Variants in ANKDD1A observed in about 807,000 individuals in gnomAD.
ANKDD1A encodes ankyrin repeat and death domain containing 1A, also known as ankyrin repeat and death domain-containing protein 1A.
A neutral mutation model predicts 63.5 loss-of-function variants in ANKDD1A; 59 were observed. The observed-to-expected ratio is 0.93, with a 90% CI of 0.75 to 1.15. The LOEUF (loss-of-function observed/expected upper bound fraction) is 1.15, where lower values mean the gene tolerates loss of function less well. Among genes scored for constraint, ANKDD1A ranks in the 50% most tolerant of loss-of-function variants. ANKDD1A has a pLI of 0.00. For synonymous variants in ANKDD1A, 266 were observed against 263.9 expected (o/e 1.01, Z -0.08); for missense variants, 632 against 656.4 (o/e 0.96, Z 0.41).
At chr15:64,937,895 G>C (rs905594446) in intron 9 of ANKDD1A, among the ~76,000 whole-genome samples, 1 of 152,066 alleles carries the variant, frequency 6.6e-6, no homozygotes, top group Non-Finnish European at 1.5e-5. Context: ...TAGGACTAGG[G>C]CAGGAAATAC....
intron 10 of ANKDD1A, chr15:64,943,168 T>G: frequency 6.6e-6 from 2 of 304,528 alleles, no homozygotes; most frequent in South Asian, 5.5e-5. Flanking sequence ...AATTTGAAAA[T>G]GGCCTAAATA....
chr15:64,931,526 C>T lies in ANKDD1A; in HGVS notation c.709C>T (p.His237Tyr). The T allele has an allele frequency of 6.2e-7, 1 of 1,614,082 alleles. No individual in the cohort carries two copies. The highest frequency in any genetic ancestry group is 8.5e-7 in the Non-Finnish European group (1 of 1,180,024). Residue 237 changes from histidine to tyrosine, a missense_variant, in exon 8 of 15, where the codon CAC becomes TAC. Transcript: ENST00000319580. ...TALHSAAGGS[H>Y]PDCVQLLLRA... is the part of the protein sequence containing the mutation. ...CCTGCATTCGGCTGCTGGAGGATCC[C>T]ACCCTGACTGTGTGCAGCTCCTCCT...
At chr15:64,923,064 A>AAT (rs1180087893) in intron 4 of ANKDD1A, among the ~76,000 whole-genome samples, 1 of 152,212 alleles carries the variant, frequency 6.6e-6, no homozygotes, top group Non-Finnish European at 1.5e-5. Flanking sequence ...ACTTAATTTC[A>AAT]ATATAATTGG....
Position 64,944,868 on chromosome 15 carries a change from A to T in ANKDD1A, c.1161+121A>T, listed in dbSNP as rs563933607. On this transcript the variant is annotated intron_variant, in intron 12 of 14. Coordinates refer to ENST00000319580, the MANE Select transcript of ANKDD1A (RefSeq NM_182703.6). ...GGGTCCCTCAGTCTCCAAGCAGGTGATAATCACCACCTTGTATGTTACCAC... is the reference window on the plus strand; with the variant it reads ...GGGTCCCTCAGTCTCCAAGCAGGTGTTAATCACCACCTTGTATGTTACCAC... 569 of 869,450 alleles carry T rather than the reference A, an allele frequency of 6.5e-4. 7 individuals carry two copies. The South Asian group carries it at 9.6e-3, about 15-fold the overall frequency. 53.9% of individuals were successfully genotyped at this position (869,450 alleles called of 1,614,324 possible).
intron 1 of ANKDD1A, among the ~76,000 whole-genome samples, chr15:64,913,221 A>G (rs2084945963): frequency 6.6e-6 from 1 of 152,036 alleles, no homozygotes; most frequent in Non-Finnish European, 1.5e-5. Context: ...CTCTTTCTTC[A>G]CCCTCCCCCA....
At chr15:64,946,767 G>A (rs2085226373) in intron 12 of ANKDD1A, among the ~76,000 whole-genome samples, 1 of 152,176 alleles carries the variant, frequency 6.6e-6, no homozygotes, top group South Asian at 2.1e-4. Flanking sequence ...GATTGCCAGA[G>A]ACTGTTGACC....
chr15:64,922,502 G>C (rs1184439919), intron 4 of ANKDD1A: 1 of 152,642 alleles, frequency 6.6e-6, no homozygotes, highest in African/African-American at 2.4e-5. Flanking sequence ...TGGCCCATAG[G>C]AAAATGCAAA....
chr15:64,931,091 G>A (rs1280747541), intron 7 of ANKDD1A, among the ~76,000 whole-genome samples, 171 bp downstream of exon 7: 6 of 152,216 alleles, frequency 3.9e-5, no homozygotes, highest in Non-Finnish European at 7.3e-5. Flanking sequence ...CAGGCTTAAT[G>A]GTAGTACTTG....
At chr15:64,946,268 A>G (rs796703376) in intron 12 of ANKDD1A, among the ~76,000 whole-genome samples, 5 of 152,282 alleles carry the variant, frequency 3.3e-5, no homozygotes, top group African/African-American at 1.2e-4. Flanking sequence ...AAACCTATAA[A>G]TAATCTCAAA....
At chr15:64,923,186 A>T (rs1410306666) in intron 4 of ANKDD1A, among the ~76,000 whole-genome samples, 1 of 152,018 alleles carries the variant, frequency 6.6e-6, no homozygotes, top group African/African-American at 2.4e-5. Flanking sequence ...GTTGGGTGTG[A>T]TGTGATATGT....
intron 14 of ANKDD1A, among the ~76,000 whole-genome samples, chr15:64,956,345 C>T (rs11637896): frequency 0.28 from 42,802 of 151,042 alleles, 7,595 homozygotes; most frequent in South Asian, 0.45. Flanking sequence ...GTCAGGAGAT[C>T]GAGACCATCC....
intron 6 of ANKDD1A, 87 bp from the exon 7 acceptor site, chr15:64,930,735 C>T: frequency 7.5e-7 from 1 of 1,339,366 alleles, no homozygotes; most frequent in Non-Finnish European, 1.0e-6. Flanking sequence ...TGGCACTGAC[C>T]CAGTGTGCAT....
At chr15:64,951,261 CTT>C (rs2085267256) in intron 14 of ANKDD1A, 1 of 914,898 alleles carries the variant, frequency 1.1e-6, no homozygotes, top group South Asian at 5.2e-5. Context: ...TCTTGGCACA[CTT>C]TGTTTATTTC....
Position 64,942,487 on chromosome 15 carries a change from C to T in ANKDD1A, c.888C>T (p.His296=). 5 of 1,613,462 alleles carry T rather than the reference C, an allele frequency of 3.1e-6. No homozygotes were observed. Among genetic ancestry groups the T allele is most frequent in the Middle Eastern group, 1.7e-4 (1 of 6,058 alleles). Reference sequence around the variant, plus strand: ...CACAGCAGGGTGCCTCTCCTCTGCACCTCGCTGTGAGGCACAACTTCCCTG... The same window carrying T: ...CACAGCAGGGTGCCTCTCCTCTGCATCTCGCTGTGAGGCACAACTTCCCTG... ...VVDHQGASPL[H]LAVRHNFPAL... The change falls in exon 10 of 15, where the codon CAC becomes CAT. Residue 296 remains histidine (H), a synonymous_variant. Coordinates refer to ENST00000319580, the MANE Select transcript of ANKDD1A (RefSeq NM_182703.6).
chr15:64,954,470 TTCC>T (rs201462042), intron 14 of ANKDD1A, among the ~76,000 whole-genome samples: 6,444 of 144,086 alleles, frequency 0.045, 512 homozygotes, highest in African/African-American at 0.16. Flanking sequence ...CTTCTCCTTC[TTCC>T]TCTTTTTCTT....
intron 1 of ANKDD1A, chr15:64,914,180 G>T (rs1468249006): frequency 6.6e-6 from 1 of 152,088 alleles, no homozygotes; most frequent in Non-Finnish European, 1.5e-5. Flanking sequence ...TAGAGACGGG[G>T]TTTCACCATG....
At chr15:64,942,706 A>G in intron 10 of ANKDD1A, 141 bp downstream of exon 10, 1 of 629,178 alleles carries the variant, frequency 1.6e-6, no homozygotes. Flanking sequence ...TTAGAAAGTA[A>G]TCTAAATAGT....
chr15:64,943,399 C>A, intron 10 of ANKDD1A, 85 bp from the exon 11 acceptor site: 1 of 1,098,504 alleles, frequency 9.1e-7, no homozygotes, highest in Admixed American at 1.8e-5. Flanking sequence ...AAGAAATATA[C>A]TAGGATCATT....
intron 3 of ANKDD1A, 35 bp downstream of exon 3, chr15:64,917,549 T>TG (rs1175226896): frequency 3.3e-6 from 5 of 1,522,690 alleles, no homozygotes; most frequent in Non-Finnish European, 3.5e-6. Context: ...CTCAGGGTGG[T>TG]GGGGGGCACT....
Sources: gnomAD v4.1 joint callset for allele counts (sites outside exome capture counted in the v4.1 genomes callset) on GRCh38, gnomAD v4.1.1 for gene constraint, MANE v1.5 for transcripts, NCBI Gene and HGNC (gene_info 2026-07-23, HGNC 2026-07-21) for gene names.